Variants in TENT5D observed in about 807,000 individuals in gnomAD.
The protein encoded by TENT5D is terminal nucleotidyltransferase 5D, also known as cancer/testis antigen 112.
For missense variants in TENT5D, 191 were observed against 287.0 expected, an observed-to-expected ratio of 0.67 and a Z score of 2.42; for synonymous variants, 103 against 100.6, an observed-to-expected ratio of 1.02 and a Z score of -0.15.
intron 3 of TENT5D, among the ~76,000 whole-genome samples, chrX:80,346,222 T>C (rs1433730829): frequency 2.7e-5 from 3 of 112,277 alleles, no homozygotes; most frequent in Non-Finnish European, 5.6e-5. Flanking sequence ...TTTTTATTAC[T>C]GAGTAGTATC....
At chrX:80,442,609 G>A (rs773874789) in exon 3 of TENT5D, 2 of 1,208,361 alleles carry the variant, frequency 1.7e-6, no homozygotes, top group East Asian at 5.9e-5. Context: ...GTTAGATGAA[G>A]TAATTCCAAT....
chrX:80,381,866 T>G (rs1413188275), intron 3 of TENT5D, among the ~76,000 whole-genome samples: 1 of 112,056 alleles, frequency 8.9e-6, no homozygotes, highest in Non-Finnish European at 1.9e-5. Context: ...TCTAATCTTT[T>G]TTCAAGGTTT....
intron 2 of TENT5D, among the ~76,000 whole-genome samples, chrX:80,439,175 T>A (rs1053892881): frequency 8.9e-6 from 1 of 111,824 alleles, no homozygotes; most frequent in South Asian, 3.7e-4. Flanking sequence ...AATTTCATGT[T>A]TTGTGCTTCT....
intron 3 of TENT5D, among the ~76,000 whole-genome samples, chrX:80,378,173 C>G (rs2147529795): frequency 9.0e-6 from 1 of 111,593 alleles, no homozygotes; most frequent in South Asian, 3.8e-4. Context: ...AAATGGTCTC[C>G]CATTTTGTAG....
upstream of TENT5D, chrX:80,420,408 T>C (rs1178467163): frequency 9.0e-6 from 1 of 111,056 alleles, no homozygotes; most frequent in East Asian, 2.8e-4. Context: ...GATGCAATAA[T>C]AATATTCCTT....
chrX:80,415,883 T>C (rs754285429), upstream of TENT5D, among the ~76,000 whole-genome samples: 5 of 112,045 alleles, frequency 4.5e-5, no homozygotes, highest in South Asian at 3.7e-4. Context: ...CAGCTCTTCC[T>C]TATACATTTG....
At chrX:80,434,732 T>C (rs758429476) in intron 1 of TENT5D, among the ~76,000 whole-genome samples, 6 of 110,775 alleles carry the variant, frequency 5.4e-5, no homozygotes, top group Non-Finnish European at 9.4e-5. Context: ...TGACTAATAC[T>C]ATAAGTGAAC....
rs188919029 is a variant in TENT5D, at chrX:80,396,335, G to T, written c.-141-42275G>T. On this transcript the variant is annotated intron_variant, in intron 3 of 4. Coordinates refer to the TENT5D transcript ENST00000538312. ...GTTTCTCACAGAGGGGGATTTGGCA[G>T]GGTCATAGGACAATAGTGGAGGGAA... 1.3e-4 allele frequency among the ~76,000 whole-genome samples: 14 copies of T among 109,871 alleles called. No individual in the cohort carries two copies. In the East Asian group the frequency reaches 3.7e-3, roughly 29 times the overall value.
At chrX:80,365,494 G>A (rs73223472) in intron 3 of TENT5D, among the ~76,000 whole-genome samples, 14,484 of 110,078 alleles carry the variant, frequency 0.13, 1,038 homozygotes, top group East Asian at 0.48. Context: ...TGAAATTTTT[G>A]TATATTTAGA....
chrX:80,431,768 C>T (rs760895877), intron 1 of TENT5D, among the ~76,000 whole-genome samples: 2 of 111,712 alleles, frequency 1.8e-5, no homozygotes, highest in South Asian at 3.8e-4. Context: ...CCTCCCACAA[C>T]ACATGGGAAT....
At chrX:80,418,239 T>C (rs1362509613), upstream of TENT5D, among the ~76,000 whole-genome samples, 1 of 110,174 alleles carries the variant, frequency 9.1e-6, no homozygotes, top group Non-Finnish European at 1.9e-5. Flanking sequence ...AGCCTCGAAC[T>C]CCTGAGCTCA....
chrX:80,350,379 T>A lies in TENT5D; in HGVS notation c.-142+7815T>A, dbSNP rs142437112. Among the ~76,000 whole-genome samples, 55 of 111,904 alleles carry A rather than the reference T, an allele frequency of 4.9e-4. 1 individual carries two copies. The East Asian group carries it at 0.013, about 27-fold the overall frequency. On this transcript the variant is annotated intron_variant, in intron 3 of 4. Transcript: ENST00000538312. ...AGGTTAGTTAGCTTTTCTTGTTGCA[T>A]TGACCCCTTTTCCATTACATAATGC...
At chrX:80,340,585 A>G (rs1259961105) in intron 2 of TENT5D, among the ~76,000 whole-genome samples, 1 of 110,776 alleles carries the variant, frequency 9.0e-6, no homozygotes, top group Non-Finnish European at 1.9e-5. Flanking sequence ...TGATTTTTGA[A>G]TATTTTTTCT....
chrX:80,417,359 T>G (rs1931797355), upstream of TENT5D, among the ~76,000 whole-genome samples: 1 of 111,305 alleles, frequency 9.0e-6, no homozygotes, highest in Non-Finnish European at 1.9e-5. Flanking sequence ...AAGCTATTCA[T>G]TATGCAGATT....
chrX:80,383,696 AAC>A (rs890175596), intron 3 of TENT5D, among the ~76,000 whole-genome samples: 3 of 110,859 alleles, frequency 2.7e-5, no homozygotes, highest in Non-Finnish European at 5.7e-5. Context: ...CTCTACCAAA[AAC>A]ACAAAAAATT....
At chrX:80,343,501 G>A (rs866661296) in intron 3 of TENT5D, among the ~76,000 whole-genome samples, 1 of 106,746 alleles carries the variant, frequency 9.4e-6, no homozygotes, top group African/African-American at 3.4e-5. Context: ...GGGTTTAAGC[G>A]ATTCTCCTGC....
At chrX:80,360,506 T>C (rs944946858) in intron 3 of TENT5D, among the ~76,000 whole-genome samples, 7 of 112,492 alleles carry the variant, frequency 6.2e-5, no homozygotes, top group Admixed American at 1.9e-4. Context: ...GTCAGAATTT[T>C]GGAATAAAAT....
chrX:80,409,419 A>G (rs1351699348), intron 3 of TENT5D, among the ~76,000 whole-genome samples: 1 of 111,442 alleles, frequency 9.0e-6, no homozygotes, highest in Non-Finnish European at 1.9e-5. Flanking sequence ...TACAAAATCA[A>G]TGTACAAAAA....
intron 3 of TENT5D, among the ~76,000 whole-genome samples, chrX:80,397,153 G>A (rs1320638092): frequency 9.6e-6 from 1 of 104,023 alleles, no homozygotes; most frequent in Admixed American, 1.0e-4. Flanking sequence ...GCCGGGCGGA[G>A]GGGCTCCTCA....
Sources: gnomAD v4.1 joint callset for allele counts (sites outside exome capture counted in the v4.1 genomes callset) on GRCh38, gnomAD v4.1.1 for gene constraint, MANE v1.5 for transcripts, NCBI Gene and HGNC (gene_info 2026-07-23, HGNC 2026-07-21) for gene names.